The following SLC6A6 variants were observed in gnomAD, a reference collection of about 807,000 sequenced individuals.
SLC6A6 encodes solute carrier family 6 member 6, also known as sodium- and chloride-dependent taurine transporter.
A neutral mutation model predicts 68.8 loss-of-function variants in SLC6A6; 16 were observed. The ratio of observed to expected loss-of-function variants is 0.23; its 90% CI spans 0.16 to 0.35. The LOEUF is 0.35. Ranked by LOEUF, SLC6A6 falls within the 10% of genes least tolerant of loss-of-function variation. The pLI, the probability that SLC6A6 is intolerant of heterozygous loss-of-function variation, is 1.00. For synonymous variants in SLC6A6, 312 were observed against 315.4 expected, an observed-to-expected ratio of 0.99 and a Z score of 0.12; for missense variants, 474 against 802.8, an observed-to-expected ratio of 0.59 and a Z score of 4.95.
At position 14,468,568 on chromosome 3, in the gene SLC6A6, A is replaced by G. The variant is rs1036089029; in HGVS notation, c.1096+356A>G. On this transcript the variant is annotated intron_variant, in intron 9 of 14. Transcript: ENST00000622186. The surrounding 1 kb of genome is among the most constrained non-coding windows in gnomAD (Gnocchi z 4.5). ...TAACTCAGGCCCAAGTCAGCCACCA[A>G]TCGGCATTCCATCACCACCTTCTCA... is the stretch of plus-strand genomic sequence containing the variant. Among the ~76,000 whole-genome samples, 14 of 151,992 alleles carry G rather than the reference A, an allele frequency of 9.2e-5. No individual in the cohort carries two copies. The highest frequency in any genetic ancestry group is 1.9e-4 in the Non-Finnish European group (13 of 67,998).
At chr3:14,467,436 C>T (rs886406759) in intron 7 of SLC6A6, among the ~76,000 whole-genome samples, 8 of 152,322 alleles carry the variant, frequency 5.3e-5, no homozygotes, top group African/African-American at 1.9e-4. Context: ...CCTTGACTTA[C>T]GGGCTTGCCA....
chr3:14,466,778 C>A, intron 7 of SLC6A6, 128 bp downstream of exon 7: 1 of 810,732 alleles, frequency 1.2e-6, no homozygotes. Flanking sequence ...TCTAGCTGGG[C>A]CACCGCCCCC....
intron 3 of SLC6A6, among the ~76,000 whole-genome samples, chr3:14,445,352 C>T (rs1355605059): frequency 3.3e-5 from 5 of 150,212 alleles, no homozygotes; most frequent in Admixed American, 6.7e-5. Context: ...ACCCAGGAGG[C>T]GGAGCTTGCA....
intron 5 of SLC6A6, among the ~76,000 whole-genome samples, chr3:14,456,554 A>C (rs756697504): frequency 1.1e-4 from 17 of 152,210 alleles, no homozygotes; most frequent in Non-Finnish European, 1.9e-4. Context: ...CTTATGTTGA[A>C]GCTTCTCTAA....
At chr3:14,442,330 T>C (rs1367549384) in intron 2 of SLC6A6, among the ~76,000 whole-genome samples, 1 of 152,230 alleles carries the variant, frequency 6.6e-6, no homozygotes, top group African/African-American at 2.4e-5. Context: ...CCACTTCTGC[T>C]GTCATCCTTT....
At chr3:14,417,062 G>A (rs1053239594) in intron 2 of SLC6A6, among the ~76,000 whole-genome samples, 1 of 152,232 alleles carries the variant, frequency 6.6e-6, no homozygotes, top group African/African-American at 2.4e-5. Flanking sequence ...CAAGGGCACA[G>A]TGGCTCACGC....
At chr3:14,479,870 A>G (rs536333445) in intron 13 of SLC6A6, among the ~76,000 whole-genome samples, 14 of 152,346 alleles carry the variant, frequency 9.2e-5, no homozygotes, top group African/African-American at 2.6e-4. Flanking sequence ...AGGGTTTGCA[A>G]TCACTTGTGA....
chr3:14,468,305 G>A lies in SLC6A6; in HGVS notation c.1096+93G>A. ...ATGAAGCCAGACCCCAGGGGGCTTT[G>A]AGGGGGGACGAGCCTGGTTTCTAAA... is the stretch of plus-strand genomic sequence containing the variant. On this transcript the variant is annotated intron_variant, in intron 9 of 14. Coordinates refer to ENST00000622186, the MANE Select transcript of SLC6A6 (RefSeq NM_003043.6). This position sits in a 1 kb window ranked among gnomAD's most constrained non-coding sequence, Gnocchi z 4.5. 4 of 1,098,344 alleles carry A rather than the reference G, an allele frequency of 3.6e-6. No homozygotes were observed. The highest frequency in any genetic ancestry group is 5.0e-6 in the Non-Finnish European group (4 of 794,202). 68.0% of individuals were successfully genotyped at this position (1,098,344 alleles called of 1,614,324 possible).
intron 2 of SLC6A6, among the ~76,000 whole-genome samples, chr3:14,417,090 T>C (rs1376892830): frequency 6.6e-6 from 1 of 152,200 alleles, no homozygotes; most frequent in Non-Finnish European, 1.5e-5. Flanking sequence ...CCCTGCACTT[T>C]GGGAGGCCAA....
intron 2 of SLC6A6, among the ~76,000 whole-genome samples, chr3:14,422,873 A>C (rs1475129181): frequency 6.6e-6 from 1 of 152,114 alleles, no homozygotes; most frequent in African/African-American, 2.4e-5. Context: ...AGTTTTCCTG[A>C]GAGCTTCTGC....
intron 5 of SLC6A6, among the ~76,000 whole-genome samples, chr3:14,453,943 G>A (rs146226550): frequency 6.6e-6 from 1 of 152,192 alleles, no homozygotes; most frequent in Non-Finnish European, 1.5e-5. Flanking sequence ...GGCTGAAGGA[G>A]GAGGAAGTGA....
intron 2 of SLC6A6, among the ~76,000 whole-genome samples, chr3:14,441,462 G>T (rs555105359): frequency 6.6e-6 from 1 of 152,190 alleles, no homozygotes; most frequent in African/African-American, 2.4e-5. Flanking sequence ...AGAGAAAGGC[G>T]GCGCGGATGC....
At chr3:14,458,179 G>T in intron 6 of SLC6A6, 97 bp downstream of exon 6, 1 of 1,160,876 alleles carries the variant, frequency 8.6e-7, no homozygotes, top group South Asian at 1.2e-5. Context: ...CGCCCCAAGA[G>T]GGAGGTGGCC....
At chr3:14,407,069 A>C (rs1217518891) in intron 1 of SLC6A6, among the ~76,000 whole-genome samples, 1 of 148,584 alleles carries the variant, frequency 6.7e-6, no homozygotes, top group African/African-American at 2.5e-5. Flanking sequence ...TTTTTTTTTG[A>C]GACAGGGTCT....
intron 1 of SLC6A6, among the ~76,000 whole-genome samples, chr3:14,410,553 T>C (rs1229398395): frequency 6.6e-6 from 1 of 152,008 alleles, no homozygotes; most frequent in Non-Finnish European, 1.5e-5. Flanking sequence ...GGGCTGGTGG[T>C]CTCCAGGAGA....
chr3:14,452,646 C>T (rs189478875), intron 5 of SLC6A6, among the ~76,000 whole-genome samples: 104 of 152,066 alleles, frequency 6.8e-4, no homozygotes, highest in African/African-American at 2.3e-3. Flanking sequence ...ACCCCCTACA[C>T]CCACCCTGTG....
intron 2 of SLC6A6, among the ~76,000 whole-genome samples, chr3:14,432,984 T>C (rs1699763752): frequency 2.0e-5 from 3 of 152,238 alleles, no homozygotes; most frequent in South Asian, 2.1e-4. Context: ...CTTTGAAGCC[T>C]ACCCTTGACC....
In SLC6A6 at chr3:14,472,900, C is replaced by G. The variant is rs1259643681; in HGVS notation, c.1209+583C>G. ...TGGCTCCCTCCCGTGCTTTATACAC[C>G]GCACAGGCCGGGAGCCTCGCTCAAA... On this transcript the variant is annotated intron_variant, in intron 10 of 14. Coordinates refer to ENST00000622186, the MANE Select transcript of SLC6A6 (RefSeq NM_003043.6). This position sits in a 1 kb window ranked among gnomAD's most constrained non-coding sequence, Gnocchi z 4.5. Among the ~76,000 whole-genome samples the G allele has an allele frequency of 6.6e-6, 1 of 152,218 alleles. No individual in the cohort carries two copies.
chr3:14,410,270 C>A (rs995770265), intron 1 of SLC6A6, among the ~76,000 whole-genome samples: 3 of 151,700 alleles, frequency 2.0e-5, no homozygotes, highest in African/African-American at 7.3e-5. Flanking sequence ...CTTGTGTGAA[C>A]CCCCCCTTGA....
Sources: allele counts gnomAD v4.1 joint callset (sites outside exome capture counted in the v4.1 genomes callset), GRCh38; gene constraint gnomAD v4.1.1; non-coding constraint Gnocchi (gnomAD v3.1); transcripts MANE v1.5; gene names NCBI Gene and HGNC (gene_info 2026-07-23, HGNC 2026-07-21).